NMU: variants seen among roughly 807,000 people sequenced by gnomAD.
NMU encodes the protein neuromedin U.
A neutral mutation model predicts 35.4 loss-of-function variants in NMU; 29 were observed. The observed-to-expected ratio is 0.82, with a 90% CI of 0.61 to 1.12. The LOEUF (loss-of-function observed/expected upper bound fraction) is 1.12. Among genes scored for constraint, NMU ranks in the 50% most tolerant of loss-of-function variants. The probability of loss-of-function intolerance (pLI) is 0.00; values close to 1 mark genes in which losing one functional copy is unlikely to be tolerated. For missense variants in NMU, 199 were observed against 206.2 expected, an observed-to-expected ratio of 0.97 and a Z score of 0.21; for synonymous variants, 78 against 81.3, an observed-to-expected ratio of 0.96 and a Z score of 0.22.
At chr4:55,625,576 G>C (rs1367211632) in intron 2 of NMU, among the ~76,000 whole-genome samples, 7 of 152,128 alleles carry the variant, frequency 4.6e-5, no homozygotes, top group Non-Finnish European at 7.4e-5. Flanking sequence ...GGGTGACCTA[G>C]GTACAAAGGG....
At chr4:55,600,924 A>G (rs540003522) in intron 7 of NMU, among the ~76,000 whole-genome samples, 2 of 152,286 alleles carry the variant, frequency 1.3e-5, no homozygotes, top group South Asian at 2.1e-4. Context: ...TTAGAATGAA[A>G]TAATTTATTT....
chr4:55,603,891 G>A (rs28434169), intron 7 of NMU, among the ~76,000 whole-genome samples: 36,228 of 117,312 alleles, frequency 0.31, 6,170 homozygotes, highest in Middle Eastern at 0.46. Flanking sequence ...CAGTCTGGGC[G>A]ACAGAGCAAG....
intron 9 of NMU, among the ~76,000 whole-genome samples, chr4:55,598,109 T>G (rs1197934990): frequency 8.1e-4 from 101 of 124,520 alleles, no homozygotes; most frequent in African/African-American, 2.8e-3. Context: ...TTTTTTTTTT[T>G]TGTGAGATAA....
At chr4:55,619,318 C>A (rs1039372601) in intron 2 of NMU, among the ~76,000 whole-genome samples, 1 of 140,378 alleles carries the variant, frequency 7.1e-6, no homozygotes, top group Non-Finnish European at 1.6e-5. Context: ...GCACCTTGCG[C>A]GAGCCGAAGC....
intron 7 of NMU, among the ~76,000 whole-genome samples, chr4:55,604,025 A>ACACATG (rs1733566269): frequency 1.4e-5 from 1 of 71,920 alleles, no homozygotes; most frequent in Admixed American, 1.5e-4. Context: ...GTGTATATAT[A>ACACATG]TAATCCTAGA....
At chr4:55,629,241 T>C (rs1339268923) in intron 2 of NMU, among the ~76,000 whole-genome samples, 1 of 152,192 alleles carries the variant, frequency 6.6e-6, no homozygotes, top group Non-Finnish European at 1.5e-5. Context: ...GTGTATACTA[T>C]TTAGTGCAGG....
intron 3 of NMU, among the ~76,000 whole-genome samples, chr4:55,609,813 C>T (rs190831099): frequency 1.3e-5 from 2 of 152,248 alleles, no homozygotes; most frequent in African/African-American, 4.8e-5. Context: ...AATGGACAAG[C>T]AGGGGCGAAA....
At chr4:55,626,786 G>C (rs889314463) in intron 2 of NMU, among the ~76,000 whole-genome samples, 1 of 152,110 alleles carries the variant, frequency 6.6e-6, no homozygotes. Context: ...GCTGAAAGAA[G>C]TTTTATTTTT....
At position 55,635,795 on chromosome 4, in the gene NMU, A is replaced by G. The variant is rs370189571; in HGVS notation, c.112+286T>C. On this transcript the variant is annotated intron_variant, in intron 1 of 9. Coordinates refer to ENST00000264218, the MANE Select transcript of NMU (RefSeq NM_006681.4). The stretch of plus-strand genomic sequence containing the variant: ...GAAATCCCGAGGATGAGGGAACCCT[A>G]CCAGTCTCCATCTATCGCAGCCGGC... 1.3e-3 allele frequency among the ~76,000 whole-genome samples: 204 copies of G among 152,330 alleles called. 1 individual carries two copies. The highest frequency in any genetic ancestry group is 4.4e-3 in the African/African-American group (183 of 41,592).
chr4:55,606,709 G>T (rs766653967), intron 6 of NMU, among the ~76,000 whole-genome samples: 16 of 144,366 alleles, frequency 1.1e-4, no homozygotes, highest in East Asian at 4.0e-4. Context: ...ACAGAGTATC[G>T]CTCTGTCGTC....
intron 3 of NMU, among the ~76,000 whole-genome samples, chr4:55,612,481 G>A (rs1733971600): frequency 6.6e-6 from 1 of 152,280 alleles, no homozygotes; most frequent in Middle Eastern, 3.4e-3. Flanking sequence ...ACCCAGTGAT[G>A]TCATGTGTCA....
At chr4:55,610,592 G>A (rs1256312843) in intron 3 of NMU, among the ~76,000 whole-genome samples, 1 of 152,136 alleles carries the variant, frequency 6.6e-6, no homozygotes, top group Non-Finnish European at 1.5e-5. Flanking sequence ...AGGTGGAGTT[G>A]ACAGTTTTTC....
intron 2 of NMU, among the ~76,000 whole-genome samples, chr4:55,617,842 T>C (rs907143077): frequency 2.6e-5 from 4 of 152,168 alleles, no homozygotes; most frequent in Non-Finnish European, 5.9e-5. Flanking sequence ...TGCCCATCTA[T>C]GTGAGGTGGT....
Position 55,628,075 on chromosome 4 carries a change from T to C in NMU, c.171+2327A>G, listed in dbSNP as rs1037994438. ...CCTTCAGTGCTTATCATATTACCACTGGACCTTTTTTGGCACAGCATATTT... is the reference window on the plus strand; with the variant it reads ...CCTTCAGTGCTTATCATATTACCACCGGACCTTTTTTGGCACAGCATATTT... On this transcript the variant is annotated intron_variant, in intron 2 of 9. Transcript: ENST00000264218. Among the ~76,000 whole-genome samples the C allele has an allele frequency of 3.3e-5, 5 of 152,380 alleles. No homozygotes were observed. The South Asian group carries it at 8.3e-4, about 25-fold the overall frequency.
At chr4:55,610,134 G>C (rs1733868637) in intron 3 of NMU, among the ~76,000 whole-genome samples, 1 of 152,166 alleles carries the variant, frequency 6.6e-6, no homozygotes, top group Non-Finnish European at 1.5e-5. Context: ...TTCTCAGGTT[G>C]ATTTACAGCT....
rs1464197639 is a variant in NMU at position 55,630,477 on chromosome 4, AG to A, written c.113-18del. On this transcript the variant is annotated intron_variant, in intron 1 of 9. Transcript: ENST00000264218. Reference sequence around the variant, plus strand: ...TTGGAGCACCTAAAAATAAAGTTGTAGCCACAGATTAATTTTATAGCATTTC... The same window carrying A: ...TTGGAGCACCTAAAAATAAAGTTGTACCACAGATTAATTTTATAGCATTTC... 6.3e-7 allele frequency: 1 copy of A among 1,590,008 alleles called. No individual in the cohort carries two copies.
chr4:55,627,988 C>T (rs959775002), intron 2 of NMU, among the ~76,000 whole-genome samples: 7 of 152,210 alleles, frequency 4.6e-5, no homozygotes, highest in African/African-American at 1.7e-4. Flanking sequence ...GCTTTAGATA[C>T]ATTTACTGTG....
At chr4:55,618,784 C>T (rs1734230065) in intron 2 of NMU, among the ~76,000 whole-genome samples, 2 of 134,992 alleles carry the variant, frequency 1.5e-5, no homozygotes, top group Non-Finnish European at 3.2e-5. Flanking sequence ...TCTTTCTTTC[C>T]CTTTCTTTCT....
rs1388028666 is a variant in NMU, at chr4:55,610,053, C to T, written c.220-874G>A. On this transcript the variant is annotated intron_variant, in intron 3 of 9. Transcript: ENST00000264218. Reference sequence around the variant, plus strand: ...TGGTTACCTAACCTCTCTTAATTTCCGTTTCTTCAGCTCTAAGTCGGGGAT... The same window carrying T: ...TGGTTACCTAACCTCTCTTAATTTCTGTTTCTTCAGCTCTAAGTCGGGGAT... Among the ~76,000 whole-genome samples the T allele has an allele frequency of 4.6e-5, 7 of 152,234 alleles. No individual in the cohort carries two copies. In the East Asian group the frequency reaches 7.7e-4, roughly 17 times the overall value.
Sources: allele counts gnomAD v4.1 joint callset (sites outside exome capture counted in the v4.1 genomes callset), GRCh38; gene constraint gnomAD v4.1.1; transcripts MANE v1.5; gene names NCBI Gene and HGNC (gene_info 2026-07-23, HGNC 2026-07-21).